Variants in MAML2 observed in about 807,000 individuals in gnomAD.
MAML2 encodes the protein mastermind-like protein 2.
Under a neutral mutation model 96.1 loss-of-function variants are expected in MAML2, and 22 were observed. That is an observed-to-expected ratio of 0.23 (90% CI 0.16 to 0.33). MAML2 has a LOEUF of 0.33. Ranked by LOEUF, MAML2 falls within the 10% of genes least tolerant of loss-of-function variation. The pLI, the probability that MAML2 is intolerant of heterozygous loss-of-function variation, is 1.00. For synonymous variants in MAML2, 561 were observed against 521.3 expected (o/e 1.08, Z -1.04); for missense variants, 1,367 against 1,392.4 (o/e 0.98, Z 0.29).
intron 1 of MAML2, among the ~76,000 whole-genome samples, chr11:96,204,034 G>A (rs1005252311): frequency 2.6e-5 from 4 of 152,094 alleles, no homozygotes; most frequent in Non-Finnish European, 4.4e-5. Context: ...GGAACCCAGG[G>A]CTAACTACAG....
chr11:96,022,178 C>A (rs762565307), intron 2 of MAML2, among the ~76,000 whole-genome samples: 1 of 152,174 alleles, frequency 6.6e-6, no homozygotes, highest in African/African-American at 2.4e-5. Context: ...GAAGAAACTA[C>A]GTTGAATTTC....
At chr11:96,277,607 C>T (rs1204765108) in intron 1 of MAML2, among the ~76,000 whole-genome samples, 6 of 151,808 alleles carry the variant, frequency 4.0e-5, no homozygotes, top group African/African-American at 1.5e-4. Flanking sequence ...CAAAAATTAG[C>T]AGGGCGTGGT....
chr11:96,009,063 C>T (rs11021382), intron 2 of MAML2, among the ~76,000 whole-genome samples: 52,724 of 151,930 alleles, frequency 0.35, 9,350 homozygotes, highest in South Asian at 0.49. Flanking sequence ...TGAGAGTTAA[C>T]TAAATGAAAG....
At chr11:96,140,792 A>C (rs902836937) in intron 1 of MAML2, among the ~76,000 whole-genome samples, 3 of 152,184 alleles carry the variant, frequency 2.0e-5, no homozygotes, top group Non-Finnish European at 4.4e-5. Flanking sequence ...GGATTAGGGT[A>C]AGCCTATGGG....
At chr11:96,232,875 T>C (rs959854066) in intron 1 of MAML2, among the ~76,000 whole-genome samples, 1 of 152,158 alleles carries the variant, frequency 6.6e-6, no homozygotes, top group African/African-American at 2.4e-5. Context: ...GCCAACATAC[T>C]CTCTTACTTC....
At chr11:96,341,080 A>G (rs1356089927) in intron 1 of MAML2, among the ~76,000 whole-genome samples, 1 of 152,142 alleles carries the variant, frequency 6.6e-6, no homozygotes, top group Non-Finnish European at 1.5e-5. Context: ...AGTGGCTCAG[A>G]TCTTGCCAGC....
At position 95,977,883 on chromosome 11, in the gene MAML2, G is replaced by A. The variant is rs74427622; in HGVS notation, c.*1065C>T. The A allele has an allele frequency of 2.4e-3, 544 of 224,940 alleles. 3 individuals carry two copies. Among genetic ancestry groups the A allele is most frequent in the African/African-American group, 0.011 (514 of 45,034 alleles). 13.9% of individuals were successfully genotyped at this position (224,940 alleles called of 1,614,324 possible). ...TTGATTATGCGTTCCTTCAAACTCCGTGAAATACATTTGTACACACTGGTA... is the reference window on the plus strand; with the variant it reads ...TTGATTATGCGTTCCTTCAAACTCCATGAAATACATTTGTACACACTGGTA... On this transcript the variant is annotated 3_prime_UTR_variant, in exon 5 of 5. Transcript: ENST00000524717.
intron 1 of MAML2, among the ~76,000 whole-genome samples, chr11:96,199,021 C>T (rs1184368318): frequency 1.3e-5 from 2 of 151,776 alleles, no homozygotes; most frequent in East Asian, 3.9e-4. Context: ...GATGCTGAAA[C>T]CCCATCTCTA....
chr11:96,272,111 A>T (rs1255829487), intron 1 of MAML2, among the ~76,000 whole-genome samples: 1 of 152,028 alleles, frequency 6.6e-6, no homozygotes, highest in African/African-American at 2.4e-5. Context: ...CCTATTTAAA[A>T]CTGACTCCTT....
At chr11:96,104,831 G>A (rs1228518883) in intron 1 of MAML2, among the ~76,000 whole-genome samples, 3 of 151,906 alleles carry the variant, frequency 2.0e-5, no homozygotes, top group Non-Finnish European at 4.4e-5. Context: ...AGTGAAGAGG[G>A]AGAGGGGCAA....
At chr11:96,195,518 A>G (rs1861715991) in intron 1 of MAML2, among the ~76,000 whole-genome samples, 1 of 152,234 alleles carries the variant, frequency 6.6e-6, no homozygotes, top group Non-Finnish European at 1.5e-5. Context: ...AGAAAACTAA[A>G]TATAAATTCT....
intron 1 of MAML2, among the ~76,000 whole-genome samples, chr11:96,151,172 T>C (rs188148466): frequency 1.3e-5 from 2 of 152,172 alleles, no homozygotes; most frequent in African/African-American, 2.4e-5. Context: ...ACTTTCCTTT[T>C]TCAGAACATG....
intron 2 of MAML2, among the ~76,000 whole-genome samples, chr11:96,089,934 T>C (rs1399124518): frequency 7.8e-5 from 3 of 38,296 alleles, no homozygotes; most frequent in Non-Finnish European, 1.3e-4. Flanking sequence ...TCTAAGGCAT[T>C]GGAACATGTT....
intron 2 of MAML2, among the ~76,000 whole-genome samples, chr11:96,084,261 T>A (rs1444870170): frequency 6.6e-6 from 1 of 151,982 alleles, no homozygotes; most frequent in African/African-American, 2.4e-5. Context: ...GCCTATGGAG[T>A]TGGACTTTCT....
At chr11:96,078,729 G>A (rs1245433030) in intron 2 of MAML2, among the ~76,000 whole-genome samples, 3 of 152,208 alleles carry the variant, frequency 2.0e-5, no homozygotes, top group Non-Finnish European at 4.4e-5. Context: ...CTTCAGCTGT[G>A]CCAGCATAAA....
intron 1 of MAML2, among the ~76,000 whole-genome samples, chr11:96,292,777 G>A (rs1374937111): frequency 6.6e-6 from 1 of 152,052 alleles, no homozygotes; most frequent in Non-Finnish European, 1.5e-5. Flanking sequence ...ATTATGGTAG[G>A]CATATTCATG....
intron 2 of MAML2, among the ~76,000 whole-genome samples, chr11:96,053,671 C>G (rs557152540): frequency 1.2e-4 from 19 of 152,218 alleles, no homozygotes; most frequent in African/African-American, 4.6e-4. Flanking sequence ...AAAACACTAT[C>G]AAATTTTCCT....
chr11:96,255,865 CTTTTTTTTTT>C (rs141609329), intron 1 of MAML2, among the ~76,000 whole-genome samples: 1 of 77,918 alleles, frequency 1.3e-5, no homozygotes, highest in African/African-American at 5.2e-5. Flanking sequence ...CCCCCACCGC[CTTTTTTTTTT>C]TTTTTTTTTT....
intron 2 of MAML2, among the ~76,000 whole-genome samples, chr11:96,002,432 A>T (rs746193890): frequency 6.6e-6 from 1 of 152,204 alleles, no homozygotes; most frequent in Non-Finnish European, 1.5e-5. Flanking sequence ...TGGGTGTGCC[A>T]CCTTAGAAGG....
Sources: allele counts gnomAD v4.1 joint callset (sites outside exome capture counted in the v4.1 genomes callset), GRCh38; gene constraint gnomAD v4.1.1; transcripts MANE v1.5; gene names NCBI Gene and HGNC (gene_info 2026-07-23, HGNC 2026-07-21).